Variants in IL18R1 observed in about 807,000 individuals in gnomAD.
The protein encoded by IL18R1 is interleukin-18 receptor 1.
IL18R1 carries 40 observed loss-of-function variants against 48.5 expected under a neutral mutation model. The observed-to-expected ratio is 0.82, with a 90% CI of 0.64 to 1.07. The LOEUF (loss-of-function observed/expected upper bound fraction) is 1.07, where lower values mean the gene tolerates loss of function less well. Ranked by LOEUF, IL18R1 falls within the 50% of genes least tolerant of loss-of-function variation. IL18R1 has a pLI of 0.00. For missense variants in IL18R1, 596 were observed against 633.7 expected, an observed-to-expected ratio of 0.94 and a Z score of 0.64; for synonymous variants, 232 against 225.9, an observed-to-expected ratio of 1.03 and a Z score of -0.24.
intron 3 of IL18R1, 52 bp downstream of exon 3, chr2:102,368,120 T>C (rs751958955): frequency 1.3e-6 from 2 of 1,599,154 alleles, no homozygotes; most frequent in Non-Finnish European, 1.7e-6. Context: ...TTGTCCTTTG[T>C]TCAGCAACTC....
At chr2:102,382,997 A>G (rs1311165242) in intron 6 of IL18R1, among the ~76,000 whole-genome samples, 3 of 152,086 alleles carry the variant, frequency 2.0e-5, no homozygotes, top group Non-Finnish European at 4.4e-5. Flanking sequence ...TCATATTTTC[A>G]TTCTATTCAG....
chr2:102,371,417 A>G (rs1679252801), intron 3 of IL18R1, among the ~76,000 whole-genome samples: 1 of 152,212 alleles, frequency 6.6e-6, no homozygotes, highest in South Asian at 2.1e-4. Flanking sequence ...GCATTTAAAG[A>G]GCTAATTCAA....
intron 1 of IL18R1, among the ~76,000 whole-genome samples, chr2:102,358,545 A>G (rs1678389348): frequency 6.6e-6 from 1 of 152,210 alleles, no homozygotes; most frequent in Admixed American, 6.5e-5. Context: ...TATGTCTTAG[A>G]CACACCAAAT....
intron 1 of IL18R1, among the ~76,000 whole-genome samples, chr2:102,359,732 A>T (rs1476194312): frequency 6.6e-6 from 1 of 152,194 alleles, no homozygotes; most frequent in Non-Finnish European, 1.5e-5. Context: ...ATATTGCAAC[A>T]CTTCTGGAAT....
At chr2:102,394,758 C>A (rs1680735442) in intron 10 of IL18R1, 131 bp downstream of exon 10, 2 of 629,814 alleles carry the variant, frequency 3.2e-6, no homozygotes, top group Non-Finnish European at 5.1e-6. Context: ...AAGAAATAAC[C>A]ACGTAAGTCA....
At chr2:102,387,033 C>T in intron 8 of IL18R1, 33 bp downstream of exon 8, 1 of 1,604,178 alleles carries the variant, frequency 6.2e-7, no homozygotes, top group Non-Finnish European at 8.5e-7. Context: ...AGTTTTGAAA[C>T]TTAGCTCATT....
At chr2:102,376,366 C>G (rs1412748493) in intron 5 of IL18R1, among the ~76,000 whole-genome samples, 1 of 152,144 alleles carries the variant, frequency 6.6e-6, no homozygotes, top group Non-Finnish European at 1.5e-5. Flanking sequence ...TTTCACTTTA[C>G]AAGTATTTAG....
intron 3 of IL18R1, among the ~76,000 whole-genome samples, chr2:102,369,228 C>T (rs1180172113): frequency 2.0e-5 from 3 of 152,112 alleles, no homozygotes; most frequent in Non-Finnish European, 4.4e-5. Flanking sequence ...TGAATGAAGG[C>T]ACAATTTAAA....
In IL18R1 at chr2:102,394,949, A is replaced by G. The variant is rs79184135; in HGVS notation, c.1270+322A>G. 2.2e-3 allele frequency among the ~76,000 whole-genome samples: 337 copies of G among 152,260 alleles called. 1 individual carries two copies. The highest frequency in any genetic ancestry group is 7.6e-3 in the African/African-American group (317 of 41,540). On this transcript the variant is annotated intron_variant, in intron 10 of 10. Coordinates refer to ENST00000233957, the MANE Select transcript of IL18R1 (RefSeq NM_003855.5). Reference sequence around the variant, plus strand: ...TTATTTAGAAATGACCCACGGTGAGAATATCTGTACCACAGCAGCAGTTCC... The same window carrying G: ...TTATTTAGAAATGACCCACGGTGAGGATATCTGTACCACAGCAGCAGTTCC...
rs1203840243 is a variant in IL18R1, at chr2:102,355,850, G to C, written c.-579G>C. ...GCGCCAGACGCCTGGGGCCCACGCC[G>C]TCCGCGGGAAAAGGGCAAGGCGCTG... On this transcript the variant is annotated 5_prime_UTR_variant, in exon 1 of 11. Transcript: ENST00000233957. 1 of 152,150 alleles carries C rather than the reference G, an allele frequency of 6.6e-6. No individual in the cohort carries two copies. The highest frequency in any genetic ancestry group is 1.5e-5 in the Non-Finnish European group (1 of 68,044). 9.4% of individuals were successfully genotyped at this position (152,150 alleles called of 1,614,324 possible).
rs370858300 is a variant in IL18R1, at chr2:102,390,040, T to A, written c.950-16T>A. 5.0e-5 allele frequency: 81 copies of A among 1,612,846 alleles called. No individual in the cohort carries two copies. The African/African-American group carries it at 9.7e-4, about 19-fold the overall frequency. ...TTCTTGATTATTTTCTTTTCCTTTTTCCCTTTCTTTTCTAGCAGACATGGC... is the reference window on the plus strand; with the variant it reads ...TTCTTGATTATTTTCTTTTCCTTTTACCCTTTCTTTTCTAGCAGACATGGC... On this transcript the variant is annotated splice_polypyrimidine_tract_variant and intron_variant, in intron 8 of 10. Coordinates refer to ENST00000233957, the MANE Select transcript of IL18R1 (RefSeq NM_003855.5).
intron 6 of IL18R1, among the ~76,000 whole-genome samples, chr2:102,382,378 C>T (rs1679971082): frequency 6.6e-6 from 1 of 152,060 alleles, no homozygotes; most frequent in Non-Finnish European, 1.5e-5. Context: ...TTAATTGATT[C>T]ACTTTGAATC....
chr2:102,391,236 C>G (rs1013775832), intron 9 of IL18R1, among the ~76,000 whole-genome samples: 15 of 152,038 alleles, frequency 9.9e-5, no homozygotes, highest in African/African-American at 3.4e-4. Flanking sequence ...TCAGTAGCCC[C>G]CCTTCCAGCC....
intron 2 of IL18R1, among the ~76,000 whole-genome samples, chr2:102,367,116 G>A (rs560227231): frequency 3.0e-4 from 45 of 152,282 alleles, no homozygotes; most frequent in African/African-American, 6.5e-4. Context: ...AGAGGGGAAC[G>A]AGCACCTATC....
At chr2:102,390,780 A>AAAATTAGCCGGGCGTGGTGGT (rs1330011638) in intron 9 of IL18R1, among the ~76,000 whole-genome samples, 13 of 151,848 alleles carry the variant, frequency 8.6e-5, no homozygotes, top group Non-Finnish European at 1.8e-4. Context: ...AAAAATACAA[A>AAAATTAGCCGGGCGTGGTGGT]AAATTAGCCG....
Position 102,384,902 on chromosome 2 carries a change from C to G in IL18R1, c.713C>G (p.Ser238Cys). The G allele has an allele frequency of 6.2e-7, 1 of 1,611,084 alleles. No homozygotes were observed. The stretch of plus-strand genomic sequence containing the variant: ...GGAAAAAACGTAAGGCTCAACTGCT[C>G]TGCTTTGCTGAATGAAGAGGATGTA... ...ELGKNVRLNC[S>C]ALLNEEDVIY... is the part of the protein sequence containing the mutation. Residue 238 changes from serine (S) to cysteine (C), a missense_variant, in exon 7 of 11, where the codon TCT (serine) becomes TGT (cysteine). By Grantham distance (112) the Ser-to-Cys change is moderately radical. Coordinates refer to ENST00000233957, the MANE Select transcript of IL18R1 (RefSeq NM_003855.5).
chr2:102,375,597 T>TTC (rs1396730062), intron 4 of IL18R1, among the ~76,000 whole-genome samples: 1 of 152,136 alleles, frequency 6.6e-6, no homozygotes, highest in Non-Finnish European at 1.5e-5. Flanking sequence ...CTCTCGCTGT[T>TTC]TCTCTCTCTC....
rs893543947 is a variant in IL18R1 at position 102,369,187 on chromosome 2, C to A, written c.302+1119C>A. ...AAAGGAAAAAGAACAACAAACACCG[C>A]CCCCCCCACCACAAACTTCCAACTC... is the stretch of plus-strand genomic sequence containing the variant. On this transcript the variant is annotated intron_variant, in intron 3 of 10. Coordinates refer to ENST00000233957, the MANE Select transcript of IL18R1 (RefSeq NM_003855.5). Among the ~76,000 whole-genome samples, 108 of 9,874 alleles carry A rather than the reference C, an allele frequency of 0.011. No individual in the cohort carries two copies. The African/African-American group carries it at 0.14, about 13-fold the overall frequency. The allele number at this position is 9,874 out of a possible 152,430, so 6.5% of individuals were successfully genotyped here. A position where few individuals can be genotyped will look rare whatever the true frequency, so the allele number is the denominator to read the frequency against.
intron 5 of IL18R1, among the ~76,000 whole-genome samples, chr2:102,376,283 C>G (rs1679579712): frequency 6.6e-6 from 1 of 152,120 alleles, no homozygotes; most frequent in Non-Finnish European, 1.5e-5. Flanking sequence ...ATGAATAAAC[C>G]TCACATGAGT....
Sources: gnomAD v4.1 joint callset for allele counts (sites outside exome capture counted in the v4.1 genomes callset) on GRCh38, gnomAD v4.1.1 for gene constraint, MANE v1.5 for transcripts, NCBI Gene and HGNC (gene_info 2026-07-23, HGNC 2026-07-21) for gene names.